The following CFAP54 variants were observed in gnomAD, a reference collection of about 807,000 sequenced individuals.
CFAP54 encodes the protein cilia- and flagella-associated protein 54.
CFAP54 carries 290 observed loss-of-function variants against 370.4 expected under a neutral mutation model. The observed-to-expected ratio is 0.78, with a 90% CI of 0.71 to 0.86. The LOEUF is 0.86. Among genes scored for constraint, CFAP54 ranks in the 40% least tolerant of loss-of-function variants. The pLI, the probability that CFAP54 is intolerant of heterozygous loss-of-function variation, is 0.00. For synonymous variants in CFAP54, 1,206 were observed against 1,236.5 expected (o/e 0.98, Z 0.52); for missense variants, 3,399 against 3,528.7 (o/e 0.96, Z 0.93).
At chr12:96,560,423 C>CT (rs1955803286) in intron 17 of CFAP54, among the ~76,000 whole-genome samples, 1 of 152,098 alleles carries the variant, frequency 6.6e-6, no homozygotes, top group African/African-American at 2.4e-5. Context: ...CCCAAATATC[C>CT]TTTTTGGGGA....
In CFAP54 at chr12:96,568,207, C is replaced by T. The variant is rs149075053; in HGVS notation, c.2619+3442C>T. Among the ~76,000 whole-genome samples, 966 of 145,938 alleles carry T rather than the reference C, an allele frequency of 6.6e-3. 10 individuals carry two copies. Among genetic ancestry groups the T allele is most frequent in the African/African-American group, 0.023 (915 of 39,608 alleles). ...ACGATTTTCTTTTTTCAGAGATCTT[C>T]TCAGCTCTTTTTTTGTTTTCTTTTT... On this transcript the variant is annotated intron_variant, in intron 19 of 67. Coordinates refer to ENST00000524981, the MANE Select transcript of CFAP54 (RefSeq NM_001306084.2).
chr12:96,773,252 G>A (rs1324043011), intron 60 of CFAP54, among the ~76,000 whole-genome samples: 1 of 151,506 alleles, frequency 6.6e-6, no homozygotes, highest in African/African-American at 2.4e-5. Context: ...AAGGAAACTT[G>A]TAGATCAGGA....
At chr12:96,822,687 A>T (rs2041913) in intron 65 of CFAP54, among the ~76,000 whole-genome samples, 46,661 of 152,018 alleles carry the variant, frequency 0.31, 7,553 homozygotes, top group South Asian at 0.54. Flanking sequence ...GATGTCCCAA[A>T]CCATTGAAAA....
chr12:96,648,370 G>A (rs940665439), intron 34 of CFAP54, among the ~76,000 whole-genome samples: 1 of 152,088 alleles, frequency 6.6e-6, no homozygotes, highest in Non-Finnish European at 1.5e-5. Flanking sequence ...GTGCAAATAA[G>A]TTCCCAAGCA....
intron 58 of CFAP54, among the ~76,000 whole-genome samples, chr12:96,759,668 C>T (rs1404155445): frequency 1.3e-5 from 2 of 152,158 alleles, no homozygotes. Flanking sequence ...TATGTAGTGT[C>T]CATACAGCAG....
intron 67 of CFAP54, among the ~76,000 whole-genome samples, chr12:96,864,368 A>G (rs373429870): frequency 6.6e-6 from 1 of 152,092 alleles, no homozygotes; most frequent in Non-Finnish European, 1.5e-5. Context: ...CTTTCTCCAT[A>G]TCAACCTCCA....
At chr12:96,643,389 ATGTGTGTATGTGTGTG>A (rs1230610335) in intron 32 of CFAP54, among the ~76,000 whole-genome samples, 3 of 1,648 alleles carry the variant, frequency 1.8e-3, no homozygotes, top group African/African-American at 8.7e-3. Flanking sequence ...TTTTTATTGT[ATGTGTGTATGTGTGTG>A]TGTGTGTGTG....
In CFAP54 at chr12:96,757,463, T is replaced by C. The variant is rs754285756; in HGVS notation, c.7947-32T>C. 4.4e-5 allele frequency: 54 copies of C among 1,223,166 alleles called. 1 individual carries two copies. The highest frequency in any genetic ancestry group is 6.0e-5 in the African/African-American group (4 of 66,220). 75.8% of individuals were successfully genotyped at this position (1,223,166 alleles called of 1,614,324 possible). ...TACCAATGATTATGCATGGTGAAGCTATTTAATAAGTACAGTGCTATATCA... is the reference window on the plus strand; with the variant it reads ...TACCAATGATTATGCATGGTGAAGCCATTTAATAAGTACAGTGCTATATCA... On this transcript the variant is annotated intron_variant, in intron 57 of 67. Transcript: ENST00000524981.
intron 2 of CFAP54, among the ~76,000 whole-genome samples, chr12:96,502,396 TAAAAAA>T (rs535053383): frequency 5.8e-5 from 4 of 68,596 alleles, no homozygotes; most frequent in African/African-American, 2.4e-4. Context: ...ACACTGTCCC[TAAAAAA>T]AAAAAAAAAA....
At chr12:96,654,864 C>T (rs1034322538) in intron 36 of CFAP54, among the ~76,000 whole-genome samples, 1 of 111,254 alleles carries the variant, frequency 9.0e-6, no homozygotes, top group Non-Finnish European at 2.1e-5. Context: ...ATGAGACCAG[C>T]TTAACCCTAA....
At chr12:96,631,331 T>C (rs1956605434) in intron 32 of CFAP54, among the ~76,000 whole-genome samples, 1 of 151,940 alleles carries the variant, frequency 6.6e-6, no homozygotes, top group Admixed American at 6.6e-5. Flanking sequence ...CCCGTGTTGG[T>C]ATGCATTTCT....
intron 14 of CFAP54, among the ~76,000 whole-genome samples, chr12:96,547,678 T>G (rs1474644930): frequency 6.6e-6 from 1 of 152,236 alleles, no homozygotes; most frequent in Non-Finnish European, 1.5e-5. Context: ...TATCGGTAAT[T>G]AAAAAGTAAT....
chr12:96,874,276 G>GT (rs367572493), intron 67 of CFAP54, among the ~76,000 whole-genome samples: 10 of 152,254 alleles, frequency 6.6e-5, no homozygotes, highest in African/African-American at 2.2e-4. Flanking sequence ...GTATTTCAAT[G>GT]TTTTTTACAT....
Position 96,657,775 on chromosome 12 carries a change from C to T in CFAP54, c.5101-107C>T, listed in dbSNP as rs1592692515. The T allele has an allele frequency of 2.2e-5, 18 of 811,644 alleles. No individual in the cohort carries two copies. In the East Asian group the frequency reaches 4.4e-4, roughly 20 times the overall value. The allele number at this position is 811,644 out of a possible 1,614,324, so 50.3% of individuals were successfully genotyped here. ...GCATAAGAAAAATATTTTTTCTTTTCAGTTGAGTTCTTTTCCATGTTACAT... is the reference window on the plus strand; with the variant it reads ...GCATAAGAAAAATATTTTTTCTTTTTAGTTGAGTTCTTTTCCATGTTACAT... On this transcript the variant is annotated intron_variant, in intron 36 of 67. Transcript: ENST00000524981.
In CFAP54 at chr12:96,720,561, T is replaced by C; in HGVS notation, c.6961T>C (p.Tyr2321His). Reference sequence around the variant, plus strand: ...TGCTCTGCAGAGGCACCGGGCGGCATACAGGTGCGTCTCTCCATGCACAGG... The same window carrying C: ...TGCTCTGCAGAGGCACCGGGCGGCACACAGGTGCGTCTCTCCATGCACAGG... ...AVALQRHRAA[Y>H]SAAIVFSTLT... is the part of the protein sequence containing the mutation. The change falls in exon 50 of 68, where the codon TAC (tyrosine) becomes CAC (histidine). Residue 2321 changes from tyrosine to histidine, a missense_variant. Tyr to His is a moderately conservative substitution (Grantham distance 83). Around this residue, in one of 3 missense-constraint regions of CFAP54, gnomAD observed 2,796 missense variants for 2,869.7 expected, o/e 0.97. Coordinates refer to ENST00000524981, the MANE Select transcript of CFAP54 (RefSeq NM_001306084.2). 2.0e-6 allele frequency: 3 copies of C among 1,536,476 alleles called. No homozygotes were observed. The highest frequency in any genetic ancestry group is 2.6e-6 in the Non-Finnish European group (3 of 1,137,790).
intron 63 of CFAP54, among the ~76,000 whole-genome samples, chr12:96,799,213 C>A (rs1592768453): frequency 6.6e-6 from 1 of 152,140 alleles, no homozygotes; most frequent in South Asian, 2.1e-4. Context: ...GAAAATGGGT[C>A]AAGCTTTTAA....
intron 36 of CFAP54, among the ~76,000 whole-genome samples, chr12:96,655,814 T>G (rs113825261): frequency 2.0e-5 from 3 of 152,146 alleles, no homozygotes; most frequent in South Asian, 4.1e-4. Context: ...ATAAGGGAAA[T>G]GTAAACACTC....
chr12:96,681,620 C>T (rs899407048), intron 40 of CFAP54, among the ~76,000 whole-genome samples: 7 of 151,734 alleles, frequency 4.6e-5, no homozygotes, highest in African/African-American at 1.7e-4. Flanking sequence ...GGCTGGAGTG[C>T]AGTGGCGTGA....
intron 60 of CFAP54, among the ~76,000 whole-genome samples, chr12:96,773,886 A>C (rs1958489221): frequency 1.3e-5 from 2 of 152,230 alleles, no homozygotes; most frequent in Admixed American, 1.3e-4. Context: ...GCAAATGTCT[A>C]GATCAAAGGG....
Sources: gnomAD v4.1 joint callset for allele counts (sites outside exome capture counted in the v4.1 genomes callset) on GRCh38, gnomAD v4.1.1 for gene constraint, gnomAD v4.1.1 regional missense constraint, MANE v1.5 for transcripts, NCBI Gene and HGNC (gene_info 2026-07-23, HGNC 2026-07-21) for gene names.